The following GADL1 variants were observed in gnomAD, a reference collection of about 807,000 sequenced individuals.
The protein encoded by GADL1 is acidic amino acid decarboxylase GADL1.
In GADL1, 71 loss-of-function variants were observed where a neutral mutation model predicts 69.5. The observed-to-expected ratio is 1.02, with a 90% CI of 0.84 to 1.25. GADL1 has a LOEUF of 1.25. Ranked by LOEUF, GADL1 falls within the 50% of genes most tolerant of loss-of-function variation. The pLI, the probability that GADL1 is intolerant of heterozygous loss-of-function variation, is 0.00. For synonymous variants in GADL1, 254 were observed against 214.4 expected, an observed-to-expected ratio of 1.18 and a Z score of -1.62; for missense variants, 737 against 631.8, an observed-to-expected ratio of 1.17 and a Z score of -1.79.
intron 9 of GADL1, among the ~76,000 whole-genome samples, chr3:30,835,077 C>T (rs1697852345): frequency 6.6e-6 from 1 of 152,100 alleles, no homozygotes; most frequent in South Asian, 2.1e-4. Flanking sequence ...TTAAACCTTA[C>T]AGCATTCCAT....
At chr3:30,763,778 T>TTATG (rs35331098) in intron 14 of GADL1, among the ~76,000 whole-genome samples, 2 of 151,612 alleles carry the variant, frequency 1.3e-5, no homozygotes, top group Non-Finnish European at 1.5e-5. Flanking sequence ...GACCATATCT[T>TTATG]TATCTATCTC....
intron 14 of GADL1, among the ~76,000 whole-genome samples, chr3:30,739,225 G>T (rs758733953): frequency 6.6e-6 from 1 of 152,194 alleles, no homozygotes; most frequent in Non-Finnish European, 1.5e-5. Context: ...AGCCCATGGC[G>T]TTATGCTGCT....
At chr3:30,742,312 T>G (rs1695637845) in intron 14 of GADL1, among the ~76,000 whole-genome samples, 2 of 151,830 alleles carry the variant, frequency 1.3e-5, no homozygotes, top group Non-Finnish European at 2.9e-5. Context: ...ACTTTTATAG[T>G]TTTCTTCCAT....
intron 14 of GADL1, among the ~76,000 whole-genome samples, chr3:30,740,711 T>C (rs1695604059): frequency 6.6e-6 from 1 of 151,848 alleles, no homozygotes; most frequent in Non-Finnish European, 1.5e-5. Context: ...TTGAATGTCT[T>C]CTTTTTGTGA....
Position 30,885,259 on chromosome 3 carries a change from AT to A in GADL1, c.37+9318del, listed in dbSNP as rs939879520. Reference sequence around the variant, plus strand: ...ATTTTTAATTAATTTCCAGCCAATTATTTTTTTCTTCTGTCTTATCTATGAT... The same window carrying A: ...ATTTTTAATTAATTTCCAGCCAATTATTTTTTCTTCTGTCTTATCTATGAT... On this transcript the variant is annotated intron_variant, in intron 1 of 14. Coordinates refer to ENST00000282538, the MANE Select transcript of GADL1 (RefSeq NM_207359.3). Among the ~76,000 whole-genome samples, 15 of 151,980 alleles carry A rather than the reference AT, an allele frequency of 9.9e-5. No homozygotes were observed. The East Asian group carries it at 1.9e-3, about 20-fold the overall frequency.
chr3:30,769,687 C>T (rs1264972681), intron 14 of GADL1, among the ~76,000 whole-genome samples: 1 of 152,166 alleles, frequency 6.6e-6, no homozygotes, highest in Admixed American at 6.5e-5. Flanking sequence ...TCAAAATGCA[C>T]CCACACCCAT....
chr3:30,766,543 TATC>T (rs911471740), intron 14 of GADL1, among the ~76,000 whole-genome samples: 30 of 144,212 alleles, frequency 2.1e-4, no homozygotes, highest in African/African-American at 7.5e-4. Flanking sequence ...ATCCATAACA[TATC>T]ATTACTGTGA....
At chr3:30,770,106 C>T (rs1468384316) in intron 14 of GADL1, among the ~76,000 whole-genome samples, 1 of 152,148 alleles carries the variant, frequency 6.6e-6, no homozygotes, top group African/African-American at 2.4e-5. Flanking sequence ...GAGGTTGTTC[C>T]CTTTAGCTGG....
intron 1 of GADL1, among the ~76,000 whole-genome samples, chr3:30,880,364 T>C (rs1048108782): frequency 2.0e-4 from 31 of 151,936 alleles, no homozygotes; most frequent in African/African-American, 7.0e-4. Flanking sequence ...ATAATCCCCA[T>C]GTGTCATGGG....
chr3:30,878,106 G>A (rs1323955274), intron 1 of GADL1, among the ~76,000 whole-genome samples: 1 of 151,828 alleles, frequency 6.6e-6, no homozygotes, highest in African/African-American at 2.4e-5. Flanking sequence ...GAGAGTTTTA[G>A]CCCTGACTCT....
intron 1 of GADL1, among the ~76,000 whole-genome samples, chr3:30,879,086 A>G (rs533077395): frequency 6.6e-6 from 1 of 151,878 alleles, no homozygotes; most frequent in Admixed American, 6.6e-5. Flanking sequence ...TGCAGTGTGT[A>G]CTGACTGGTA....
At chr3:30,769,272 G>A (rs1171422019) in intron 14 of GADL1, among the ~76,000 whole-genome samples, 1 of 152,150 alleles carries the variant, frequency 6.6e-6, no homozygotes, top group Non-Finnish European at 1.5e-5. Context: ...CCAGCGACTA[G>A]TGAAATACTT....
At position 30,844,384 on chromosome 3, in the gene GADL1, T is replaced by C; in HGVS notation, c.731+3A>G. Reference sequence around the variant, plus strand: ...CCAGGCTTCCAGATCCTGTTCCCATTACCTTCCATCTGTTTCCACAAAGCA... The same window carrying C: ...CCAGGCTTCCAGATCCTGTTCCCATCACCTTCCATCTGTTTCCACAAAGCA... On this transcript the variant is annotated splice_donor_region_variant and intron_variant, in intron 7 of 14. Transcript: ENST00000282538. 1 of 1,610,134 alleles carries C rather than the reference T, an allele frequency of 6.2e-7. No individual in the cohort carries two copies. The highest frequency in any genetic ancestry group is 1.1e-5 in the South Asian group (1 of 91,004).
intron 12 of GADL1, 97 bp from the exon 13 acceptor site, chr3:30,786,503 A>T: frequency 1.4e-6 from 1 of 706,882 alleles, no homozygotes; most frequent in Non-Finnish European, 2.6e-6. Context: ...GGGCTTGGAG[A>T]TAAGAAAGAT....
chr3:30,804,355 CAA>C (rs1285784347), intron 11 of GADL1, among the ~76,000 whole-genome samples: 3 of 152,122 alleles, frequency 2.0e-5, no homozygotes, highest in Non-Finnish European at 4.4e-5. Context: ...CAGGAAATGA[CAA>C]AGAGACAACT....
chr3:30,829,306 G>C (rs1384021268), intron 11 of GADL1, among the ~76,000 whole-genome samples: 1 of 151,788 alleles, frequency 6.6e-6, no homozygotes, highest in Admixed American at 6.6e-5. Context: ...TCCTGAAGCA[G>C]TCCTATTTAC....
At chr3:30,786,502 G>GATA (rs1303226282) in intron 12 of GADL1, 96 bp from the exon 13 acceptor site, 1 of 706,128 alleles carries the variant, frequency 1.4e-6, no homozygotes, top group African/African-American at 1.8e-5. Flanking sequence ...AGGGCTTGGA[G>GATA]ATAAGAAAGA....
intron 11 of GADL1, among the ~76,000 whole-genome samples, chr3:30,807,501 G>GT (rs1697275320): frequency 6.6e-6 from 1 of 152,152 alleles, no homozygotes; most frequent in Non-Finnish European, 1.5e-5. Context: ...GATGTCCTTG[G>GT]TAGATGCTGT....
intron 12 of GADL1, among the ~76,000 whole-genome samples, chr3:30,793,883 C>T (rs983564823): frequency 6.6e-6 from 1 of 152,150 alleles, no homozygotes; most frequent in African/African-American, 2.4e-5. Flanking sequence ...TCTTCTGATG[C>T]ATTGAGCCTC....
Sources: allele counts gnomAD v4.1 joint callset (sites outside exome capture counted in the v4.1 genomes callset), GRCh38; gene constraint gnomAD v4.1.1; transcripts MANE v1.5; gene names NCBI Gene and HGNC (gene_info 2026-07-23, HGNC 2026-07-21).